Variants in SLC8A3 observed in about 807,000 individuals in gnomAD.
SLC8A3 encodes the protein solute carrier family 8 member A3.
SLC8A3 carries 37 observed loss-of-function variants against 65.4 expected under a neutral mutation model. That is an observed-to-expected ratio of 0.57 (90% CI 0.44 to 0.74). The LOEUF (loss-of-function observed/expected upper bound fraction) is 0.74. Among genes scored for constraint, SLC8A3 ranks in the 30% least tolerant of loss-of-function variants. The probability of loss-of-function intolerance (pLI) is 0.00; values close to 1 mark genes in which losing one functional copy is unlikely to be tolerated. For missense variants in SLC8A3, 1,112 were observed against 1,172.1 expected (o/e 0.95, Z 0.75); for synonymous variants, 461 against 444.5 (o/e 1.04, Z -0.47).
chr14:70,051,494 T>A (rs1354121099), intron 4 of SLC8A3, among the ~76,000 whole-genome samples: 1 of 151,890 alleles, frequency 6.6e-6, no homozygotes, highest in Non-Finnish European at 1.5e-5. Context: ...AGAGATGGAG[T>A]CTCCCTATGT....
At chr14:70,143,697 A>G (rs1895719017) in intron 2 of SLC8A3, among the ~76,000 whole-genome samples, 1 of 152,042 alleles carries the variant, frequency 6.6e-6, no homozygotes, top group Non-Finnish European at 1.5e-5. Context: ...TCCCTAGGAG[A>G]ATGGTTTGGT....
At chr14:70,126,326 T>A (rs117418435) in intron 2 of SLC8A3, among the ~76,000 whole-genome samples, 9 of 152,208 alleles carry the variant, frequency 5.9e-5, no homozygotes, top group Non-Finnish European at 1.2e-4. Flanking sequence ...ATATACACAG[T>A]CAACATTTTC....
intron 2 of SLC8A3, among the ~76,000 whole-genome samples, chr14:70,062,935 T>C (rs1200881660): frequency 6.6e-6 from 1 of 152,130 alleles, no homozygotes; most frequent in Non-Finnish European, 1.5e-5. Flanking sequence ...GGAAGGAACA[T>C]TGCCCTCAGT....
rs780749385 is a variant in SLC8A3, at chr14:70,167,805, G to A, written c.618C>T (p.Thr206=). 5.9e-5 allele frequency: 95 copies of A among 1,613,970 alleles called. No individual in the cohort carries two copies. Among genetic ancestry groups the A allele is most frequent in the Middle Eastern group, 3.3e-4 (2 of 6,084 alleles). ...KIKHLRVFFI[T]AAWSIFAYIW... The stretch of plus-strand genomic sequence containing the variant: ...TGTAGGCAAAGATACTCCAAGCAGC[G>A]GTGATGAAGAAGACTCGTAGATGCT... Residue 206 remains threonine, a synonymous_variant, in exon 2 of 7, where the codon ACC becomes ACT. Coordinates refer to ENST00000356921, the MANE Select transcript of SLC8A3 (RefSeq NM_182932.3).
intron 1 of SLC8A3, among the ~76,000 whole-genome samples, chr14:70,177,439 G>A (rs980303038): frequency 1.3e-5 from 2 of 152,210 alleles, no homozygotes; most frequent in African/African-American, 4.8e-5. Context: ...ACCAGATTTT[G>A]AAGCATGTGC....
chr14:70,071,397 G>A (rs1303966396), intron 2 of SLC8A3, among the ~76,000 whole-genome samples: 1 of 152,188 alleles, frequency 6.6e-6, no homozygotes, highest in Non-Finnish European at 1.5e-5. Context: ...GGCTAAAGAA[G>A]AAGGGAAAGC....
At chr14:70,103,547 G>C (rs373318956) in intron 2 of SLC8A3, among the ~76,000 whole-genome samples, 4 of 152,144 alleles carry the variant, frequency 2.6e-5, no homozygotes, top group African/African-American at 9.6e-5. Flanking sequence ...ACTGCTGCAA[G>C]CTTCTTCTAT....
chr14:70,123,034 T>C (rs1894185065), intron 2 of SLC8A3, among the ~76,000 whole-genome samples: 1 of 140,578 alleles, frequency 7.1e-6, no homozygotes, highest in East Asian at 2.1e-4. Flanking sequence ...ATCATGCCAC[T>C]GCACTCCAGC....
intron 1 of SLC8A3, among the ~76,000 whole-genome samples, chr14:70,176,317 A>G (rs190412151): frequency 1.1e-3 from 165 of 152,332 alleles, no homozygotes; most frequent in African/African-American, 3.8e-3. Flanking sequence ...TGTTGGAGAC[A>G]GTGATGGAAC....
At chr14:70,137,101 T>C (rs1566804065) in intron 2 of SLC8A3, among the ~76,000 whole-genome samples, 1 of 152,192 alleles carries the variant, frequency 6.6e-6, no homozygotes, top group Non-Finnish European at 1.5e-5. Flanking sequence ...CACATGCTTT[T>C]TTTCTACTAG....
At chr14:70,141,375 A>C (rs1194792041) in intron 2 of SLC8A3, among the ~76,000 whole-genome samples, 2 of 152,248 alleles carry the variant, frequency 1.3e-5, no homozygotes, top group Non-Finnish European at 2.9e-5. Flanking sequence ...TACATTTCTC[A>C]AAGTCTCACA....
In SLC8A3 at chr14:70,165,848, C is replaced by T. The variant is rs1299992741; in HGVS notation, c.1784+791G>A. Among the ~76,000 whole-genome samples, 5 of 152,230 alleles carry T rather than the reference C, an allele frequency of 3.3e-5. 1 individual carries two copies. Among genetic ancestry groups the T allele is most frequent in the Non-Finnish European group, 7.3e-5 (5 of 68,036 alleles). On this transcript the variant is annotated intron_variant, in intron 2 of 6. Coordinates refer to ENST00000356921, the MANE Select transcript of SLC8A3 (RefSeq NM_182932.3). ...TAGACTGTGAAAAGAGAGGACCACA[C>T]AGAAGATATATTTCCTCCCACAATT...
At chr14:70,174,173 C>A (rs957561255) in intron 1 of SLC8A3, among the ~76,000 whole-genome samples, 5 of 152,340 alleles carry the variant, frequency 3.3e-5, no homozygotes, top group African/African-American at 1.2e-4. Flanking sequence ...GGTTTGAGCG[C>A]CCCTTCGAGC....
chr14:70,054,706 A>G (rs933775906), intron 3 of SLC8A3, among the ~76,000 whole-genome samples: 18 of 152,110 alleles, frequency 1.2e-4, no homozygotes, highest in African/African-American at 3.6e-4. Context: ...AGGAAGCTGG[A>G]GTAACTGTGT....
intron 2 of SLC8A3, among the ~76,000 whole-genome samples, chr14:70,069,587 A>AT (rs1288591348): frequency 6.6e-6 from 1 of 151,082 alleles, no homozygotes; most frequent in Non-Finnish European, 1.5e-5. Flanking sequence ...AGTTTCCTTT[A>AT]TTTTTCCGGT....
intron 2 of SLC8A3, among the ~76,000 whole-genome samples, chr14:70,131,317 T>C (rs10150046): frequency 0.12 from 17,663 of 152,158 alleles, 1,097 homozygotes; most frequent in Middle Eastern, 0.16. Flanking sequence ...GAAACTGAAA[T>C]GATGTAGAAG....
In SLC8A3 at chr14:70,084,848, C is replaced by A. The variant is rs552266010; in HGVS notation, c.1785-23909G>T. 2.6e-5 allele frequency among the ~76,000 whole-genome samples: 4 copies of A among 152,146 alleles called. No homozygotes were observed. The East Asian group carries it at 5.8e-4, about 22-fold the overall frequency. ...CTAGAATTCTGTTTCCCAAATGGTACTTGTTTGACATTGGACATGGGAGGT... is the reference window on the plus strand; with the variant it reads ...CTAGAATTCTGTTTCCCAAATGGTAATTGTTTGACATTGGACATGGGAGGT... On this transcript the variant is annotated intron_variant, in intron 2 of 6. Coordinates refer to ENST00000356921, the MANE Select transcript of SLC8A3 (RefSeq NM_182932.3).
intron 1 of SLC8A3, among the ~76,000 whole-genome samples, chr14:70,187,661 G>A (rs1883431066): frequency 6.6e-6 from 1 of 151,264 alleles, no homozygotes; most frequent in Admixed American, 6.6e-5. Context: ...GTGTGTGTTG[G>A]GGGATCGGGG....
chr14:70,096,829 C>T (rs991496950), intron 2 of SLC8A3, among the ~76,000 whole-genome samples: 5 of 152,004 alleles, frequency 3.3e-5, no homozygotes, highest in Admixed American at 6.6e-5. Flanking sequence ...TGGTCTTTTG[C>T]GGGATGAGGA....
Sources: gnomAD v4.1 joint callset for allele counts (sites outside exome capture counted in the v4.1 genomes callset) on GRCh38, gnomAD v4.1.1 for gene constraint, MANE v1.5 for transcripts, NCBI Gene and HGNC (gene_info 2026-07-23, HGNC 2026-07-21) for gene names.